Variants in LAMA2 observed in about 807,000 individuals in gnomAD.
The protein encoded by LAMA2 is laminin subunit alpha-2.
A neutral mutation model predicts 364.8 loss-of-function variants in LAMA2; 269 were observed. That is an observed-to-expected ratio of 0.74 (90% CI 0.67 to 0.82). The LOEUF is 0.82. Ranked by LOEUF, LAMA2 falls within the 40% of genes least tolerant of loss-of-function variation. The pLI, the probability that LAMA2 is intolerant of heterozygous loss-of-function variation, is 0.00. For missense variants in LAMA2, 3,807 were observed against 3,873.2 expected, an observed-to-expected ratio of 0.98 and a Z score of 0.45; for synonymous variants, 1,379 against 1,370.6, an observed-to-expected ratio of 1.01 and a Z score of -0.14.
chr6:129,060,895 C>T (rs1053578199), intron 3 of LAMA2, among the ~76,000 whole-genome samples: 2 of 152,166 alleles, frequency 1.3e-5, no homozygotes, highest in African/African-American at 2.4e-5. Context: ...CCATATGGGC[C>T]TCCTCGGGAT....
chr6:129,402,986 C>G (rs1343055815), intron 39 of LAMA2, among the ~76,000 whole-genome samples: 1 of 152,120 alleles, frequency 6.6e-6, no homozygotes, highest in African/African-American at 2.4e-5. Context: ...TGTAAAATAG[C>G]AGCTTATTCT....
intron 1 of LAMA2, among the ~76,000 whole-genome samples, chr6:128,912,353 C>G (rs1009824195): frequency 3.3e-5 from 5 of 152,112 alleles, no homozygotes; most frequent in African/African-American, 1.2e-4. Flanking sequence ...CTTCCTTTCT[C>G]CCTCTTTTTA....
At chr6:129,161,909 T>G (rs1779461995) in intron 8 of LAMA2, among the ~76,000 whole-genome samples, 3 of 152,184 alleles carry the variant, frequency 2.0e-5, no homozygotes, top group African/African-American at 7.2e-5. Flanking sequence ...CCAATGATGG[T>G]ACCTAGGTTG....
At chr6:129,189,039 A>G (rs1583213903) in intron 10 of LAMA2, among the ~76,000 whole-genome samples, 1 of 152,050 alleles carries the variant, frequency 6.6e-6, no homozygotes, top group Non-Finnish European at 1.5e-5. Context: ...TTATGAAGCT[A>G]ATGCTCAGTG....
chr6:129,273,236 A>G (rs764509988), intron 17 of LAMA2, among the ~76,000 whole-genome samples: 9 of 152,324 alleles, frequency 5.9e-5, no homozygotes, highest in East Asian at 1.9e-4. Flanking sequence ...AGATCACCCA[A>G]TGGAAGACCT....
chr6:129,463,521 G>C (rs1313215533), intron 49 of LAMA2, among the ~76,000 whole-genome samples: 4 of 152,076 alleles, frequency 2.6e-5, no homozygotes, highest in African/African-American at 4.8e-5. Context: ...AGTAACATCA[G>C]ACAGATAGGT....
chr6:129,056,949 T>C (rs1377391384), intron 2 of LAMA2, among the ~76,000 whole-genome samples: 1 of 151,512 alleles, frequency 6.6e-6, no homozygotes, highest in African/African-American at 2.4e-5. Flanking sequence ...GCCAGGCTGG[T>C]CTTGAACTCC....
intron 14 of LAMA2, among the ~76,000 whole-genome samples, chr6:129,256,868 C>G (rs942008425): frequency 7.1e-6 from 1 of 141,390 alleles, no homozygotes; most frequent in African/African-American, 2.6e-5. Flanking sequence ...ATGTTTTGTG[C>G]TGGTTGTTTT....
intron 40 of LAMA2, among the ~76,000 whole-genome samples, chr6:129,404,453 AG>A (rs1308876660): frequency 6.6e-6 from 1 of 152,204 alleles, no homozygotes; most frequent in Non-Finnish European, 1.5e-5. Context: ...TGAATTAAAA[AG>A]CTCTTAACCT....
chr6:128,989,485 G>A (rs577778743), intron 1 of LAMA2, among the ~76,000 whole-genome samples: 2 of 152,210 alleles, frequency 1.3e-5, no homozygotes, highest in African/African-American at 4.8e-5. Flanking sequence ...TCTAGCTGGG[G>A]GACTAGAAAG....
chr6:129,343,072 G>T (rs1776357362), intron 30 of LAMA2, among the ~76,000 whole-genome samples: 1 of 152,096 alleles, frequency 6.6e-6, no homozygotes, highest in Admixed American at 6.6e-5. Flanking sequence ...TTATTTCAGT[G>T]CTGTCTGAAC....
chr6:129,060,195 C>T (rs1240333933), intron 3 of LAMA2, among the ~76,000 whole-genome samples: 1 of 152,152 alleles, frequency 6.6e-6, no homozygotes, highest in African/African-American at 2.4e-5. Flanking sequence ...TAAAATTTTA[C>T]ATAACAAAAA....
chr6:129,069,735 TTATA>T (rs1773180292), intron 3 of LAMA2, among the ~76,000 whole-genome samples: 1 of 148,286 alleles, frequency 6.7e-6, no homozygotes, highest in African/African-American at 2.4e-5. Context: ...ATAAGTGTGT[TTATA>T]TATAATAAAA....
chr6:129,416,273 T>C (rs1465403597), intron 40 of LAMA2, among the ~76,000 whole-genome samples: 1 of 152,212 alleles, frequency 6.6e-6, no homozygotes, highest in Non-Finnish European at 1.5e-5. Flanking sequence ...AACTTCTTTT[T>C]ACTCCGTCAT....
intron 23 of LAMA2, among the ~76,000 whole-genome samples, chr6:129,313,446 G>T (rs1562447586): frequency 6.6e-6 from 1 of 152,118 alleles, no homozygotes; most frequent in East Asian, 1.9e-4. Flanking sequence ...AGCATCATCA[G>T]AGAAAATCAC....
chr6:129,299,599 T>C (rs372662331), intron 21 of LAMA2, among the ~76,000 whole-genome samples: 2 of 152,200 alleles, frequency 1.3e-5, no homozygotes, highest in African/African-American at 2.4e-5. Context: ...TTTTTTAGCA[T>C]ATAAATTTAA....
intron 1 of LAMA2, among the ~76,000 whole-genome samples, chr6:128,910,324 C>G (rs201503862): frequency 4.5e-3 from 591 of 132,638 alleles, no homozygotes; most frequent in Middle Eastern, 7.2e-3. Flanking sequence ...TTCTTGGAGG[C>G]TTTGCTCATT....
chr6:129,259,646 G>A (rs1052276910), intron 14 of LAMA2, among the ~76,000 whole-genome samples: 2 of 151,964 alleles, frequency 1.3e-5, no homozygotes, highest in African/African-American at 4.8e-5. Context: ...ATGAAAATAG[G>A]TTAATAAAAT....
chr6:129,136,440 A>G (rs1034421266), intron 4 of LAMA2, among the ~76,000 whole-genome samples: 1 of 152,164 alleles, frequency 6.6e-6, no homozygotes, highest in Non-Finnish European at 1.5e-5. Flanking sequence ...GTTAGAAAGC[A>G]CTGCCACATG....
Sources: gnomAD v4.1 joint callset for allele counts (sites outside exome capture counted in the v4.1 genomes callset) on GRCh38, gnomAD v4.1.1 for gene constraint, MANE v1.5 for transcripts, NCBI Gene and HGNC (gene_info 2026-07-23, HGNC 2026-07-21) for gene names.